Variants in FAM13A observed in about 807,000 individuals in gnomAD.
FAM13A encodes the protein protein FAM13A.
FAM13A carries 76 observed loss-of-function variants against 129.6 expected under a neutral mutation model. That is an observed-to-expected ratio of 0.59 (90% CI 0.49 to 0.71). FAM13A has a LOEUF of 0.71. Ranked by LOEUF, FAM13A falls within the 30% of genes least tolerant of loss-of-function variation. The pLI, the probability that FAM13A is intolerant of heterozygous loss-of-function variation, is 0.00. For missense variants in FAM13A, 1,108 were observed against 1,249.3 expected (o/e 0.89, Z 1.70); for synonymous variants, 443 against 449.9 (o/e 0.98, Z 0.20).
intron 7 of FAM13A, among the ~76,000 whole-genome samples, chr4:88,840,338 T>C (rs1735611860): frequency 6.6e-6 from 1 of 152,194 alleles, no homozygotes; most frequent in Non-Finnish European, 1.5e-5. Flanking sequence ...GTACATACAA[T>C]CCTTTATCAG....
intron 5 of FAM13A, among the ~76,000 whole-genome samples, chr4:88,917,766 C>T (rs557194488): frequency 6.6e-6 from 1 of 152,322 alleles, no homozygotes; most frequent in African/African-American, 2.4e-5. Context: ...ACATCCAACA[C>T]TCATTTTCCC....
intron 7 of FAM13A, among the ~76,000 whole-genome samples, chr4:88,850,647 C>T (rs62308743): frequency 0.7 from 106,339 of 152,144 alleles, 38,524 homozygotes; most frequent in East Asian, 0.93. Context: ...AAAAGCAACA[C>T]TCAAAATTAG....
chr4:88,735,464 T>C (rs1738791668), intron 21 of FAM13A, among the ~76,000 whole-genome samples: 1 of 152,210 alleles, frequency 6.6e-6, no homozygotes, highest in South Asian at 2.1e-4. Flanking sequence ...ATGTCTCTAT[T>C]CTGCCAGAGA....
intron 8 of FAM13A, among the ~76,000 whole-genome samples, chr4:88,795,609 A>G (rs762377665): frequency 1.3e-5 from 2 of 151,854 alleles, no homozygotes; most frequent in Non-Finnish European, 3.0e-5. Context: ...TTAAGTATCT[A>G]AGTTTACACA....
chr4:88,856,530 A>T (rs183666573), intron 6 of FAM13A, among the ~76,000 whole-genome samples: 3 of 151,958 alleles, frequency 2.0e-5, no homozygotes, highest in African/African-American at 7.3e-5. Flanking sequence ...AAAAAACCCC[A>T]AAAAAACCAA....
intron 8 of FAM13A, 133 bp downstream of exon 8, chr4:88,804,878 A>C: frequency 1.6e-6 from 1 of 643,642 alleles, no homozygotes. Flanking sequence ...AGTAAGGTGA[A>C]GAGCTCCAGC....
chr4:88,897,583 G>T (rs1746571428), intron 6 of FAM13A, among the ~76,000 whole-genome samples: 1 of 152,106 alleles, frequency 6.6e-6, no homozygotes, highest in Admixed American at 6.6e-5. Flanking sequence ...CCCATATAGG[G>T]ATCAGAAATA....
intron 3 of FAM13A, among the ~76,000 whole-genome samples, chr4:89,006,141 C>G (rs893691924): frequency 1.3e-5 from 2 of 151,960 alleles, no homozygotes; most frequent in African/African-American, 4.8e-5. Flanking sequence ...GCCAGCTATC[C>G]CAGCATCATT....
At chr4:88,934,312 A>AT (rs1411256530) in intron 5 of FAM13A, among the ~76,000 whole-genome samples, 6 of 152,168 alleles carry the variant, frequency 3.9e-5, no homozygotes, top group Admixed American at 6.6e-5. Context: ...CCATGAGAAT[A>AT]TAAGAATCAT....
At chr4:88,745,269 A>C (rs1234397926) in intron 19 of FAM13A, among the ~76,000 whole-genome samples, 1 of 152,196 alleles carries the variant, frequency 6.6e-6, no homozygotes, top group Admixed American at 6.5e-5. Context: ...AGGTTACCTA[A>C]GCAGCCCAAA....
chr4:88,954,497 G>C (rs1330773474), intron 4 of FAM13A, among the ~76,000 whole-genome samples: 1 of 152,252 alleles, frequency 6.6e-6, no homozygotes, highest in South Asian at 2.1e-4. Context: ...TACAAATAAG[G>C]TCAAGGGAGG....
chr4:88,751,531 T>C (rs1481270537), intron 14 of FAM13A, among the ~76,000 whole-genome samples: 1 of 151,986 alleles, frequency 6.6e-6, no homozygotes, highest in African/African-American at 2.4e-5. Context: ...TAGAGTGAGA[T>C]GCATACATAA....
rs372200223 is a variant in FAM13A at position 88,744,385 on chromosome 4, T to C, written c.2466+2547A>G. The stretch of plus-strand genomic sequence containing the variant: ...ACTTTAATAATAATAGGGAATTATA[T>C]GCCTGTGTATAAGTGAGTGTTTTTG... On this transcript the variant is annotated intron_variant, in intron 19 of 23. Transcript: ENST00000264344. 6.3e-4 allele frequency among the ~76,000 whole-genome samples: 96 copies of C among 152,340 alleles called. 1 individual carries two copies. The highest frequency in any genetic ancestry group is 2.2e-3 in the African/African-American group (91 of 41,580).
At chr4:88,805,509 T>C (rs536135786) in intron 7 of FAM13A, among the ~76,000 whole-genome samples, 5 of 152,216 alleles carry the variant, frequency 3.3e-5, no homozygotes, top group Non-Finnish European at 5.9e-5. Flanking sequence ...GCAGAGCACA[T>C]CAGTAAACAG....
chr4:88,959,065 A>G (rs142701736), intron 4 of FAM13A, among the ~76,000 whole-genome samples: 92 of 152,332 alleles, frequency 6.0e-4, no homozygotes, highest in African/African-American at 2.1e-3. Context: ...CCTAATGCAT[A>G]TACCCCATTG....
intron 3 of FAM13A, 128 bp from the exon 4 acceptor site, chr4:88,991,278 T>C (rs1762891906): frequency 1.6e-6 from 1 of 611,136 alleles, no homozygotes; most frequent in African/African-American, 1.8e-5. Context: ...ATAGGCCTTG[T>C]GTATTTGACT....
At chr4:88,731,453 G>C (rs77546245) in intron 22 of FAM13A, 25 bp from the exon 23 acceptor site, 1 of 1,376,150 alleles carries the variant, frequency 7.3e-7, no homozygotes, top group Non-Finnish European at 1.0e-6. Flanking sequence ...GCATTGCAAG[G>C]AAATTAAGTT....
At chr4:88,850,329 G>A (rs1356713877) in intron 7 of FAM13A, among the ~76,000 whole-genome samples, 1 of 151,782 alleles carries the variant, frequency 6.6e-6, no homozygotes, top group Non-Finnish European at 1.5e-5. Context: ...CCGAGGTAGA[G>A]GGATCATTTG....
chr4:88,761,234 T>C (rs1398155979), intron 13 of FAM13A, among the ~76,000 whole-genome samples: 1 of 152,204 alleles, frequency 6.6e-6, no homozygotes, highest in Non-Finnish European at 1.5e-5. Flanking sequence ...GCCTTCAGCA[T>C]GGTGTCTGGG....
Sources: gnomAD v4.1 joint callset for allele counts (sites outside exome capture counted in the v4.1 genomes callset) on GRCh38, gnomAD v4.1.1 for gene constraint, MANE v1.5 for transcripts, NCBI Gene and HGNC (gene_info 2026-07-23, HGNC 2026-07-21) for gene names.